Variants in DCC observed in about 807,000 individuals in gnomAD.
DCC encodes netrin receptor DCC.
A neutral mutation model predicts 172.5 loss-of-function variants in DCC; 58 were observed. That is an observed-to-expected ratio of 0.34 (90% CI 0.27 to 0.42). The LOEUF (loss-of-function observed/expected upper bound fraction) is 0.42, where lower values mean the gene tolerates loss of function less well. Among genes scored for constraint, DCC ranks in the 10% least tolerant of loss-of-function variants. The pLI is 1.00. For synonymous variants in DCC, 709 were observed against 644.5 expected (o/e 1.10, Z -1.52); for missense variants, 1,740 against 1,791.0 (o/e 0.97, Z 0.51).
At position 53,530,578 on chromosome 18, in the gene DCC, T is replaced by C; in HGVS notation, c.4269T>C (p.Asp1423=). Residue 1423 remains aspartate, a synonymous_variant, in exon 29 of 29, where the codon GAT becomes GAC. Transcript: ENST00000442544. Reference sequence around the variant, plus strand: ...TCTCTTTATAGGTGTATGAACAGGATGATCTGAGTGAACAAATGGCAAGTT... The same window carrying C: ...TCTCTTTATAGGTGTATGAACAGGACGATCTGAGTGAACAAATGGCAAGTT... ...TEDSANVYEQ[D]DLSEQMASLE... is the part of the protein sequence containing the mutation. 1 of 1,567,944 alleles carries C rather than the reference T, an allele frequency of 6.4e-7. No individual in the cohort carries two copies. The highest frequency in any genetic ancestry group is 8.8e-7 in the Non-Finnish European group (1 of 1,137,928).
intron 2 of DCC, among the ~76,000 whole-genome samples, chr18:52,889,624 G>A (rs1326968158): frequency 6.6e-6 from 1 of 152,122 alleles, no homozygotes; most frequent in African/African-American, 2.4e-5. Flanking sequence ...ACAAAATATA[G>A]AGTGTACTGT....
intron 1 of DCC, among the ~76,000 whole-genome samples, chr18:52,543,733 C>T (rs757319372): frequency 5.9e-5 from 9 of 152,214 alleles, no homozygotes; most frequent in Admixed American, 1.3e-4. Context: ...CAAAAAGGTG[C>T]CCCTGACCCT....
Position 52,860,697 on chromosome 18 carries a change from T to C in DCC, c.413-45347T>C, listed in dbSNP as rs192564403. On this transcript the variant is annotated intron_variant, in intron 2 of 28. Coordinates refer to ENST00000442544, the MANE Select transcript of DCC (RefSeq NM_005215.4). The stretch of plus-strand genomic sequence containing the variant: ...AAGAATAGTGATTGGCCATATAGGT[T>C]CTTTAAAAGTTGGCTTTGCTAGCCG... Among the ~76,000 whole-genome samples the C allele has an allele frequency of 3.5e-3, 537 of 152,332 alleles. 7 individuals carry two copies. Among genetic ancestry groups the C allele is most frequent in the African/African-American group, 0.012 (507 of 41,588 alleles).
intron 17 of DCC, among the ~76,000 whole-genome samples, chr18:53,394,428 T>C (rs935383869): frequency 3.3e-5 from 5 of 152,212 alleles, no homozygotes; most frequent in East Asian, 1.9e-4. Context: ...AAATCTATAA[T>C]ACAGATGCTC....
chr18:53,300,927 G>C (rs2057127099), intron 12 of DCC, among the ~76,000 whole-genome samples: 1 of 67,506 alleles, frequency 1.5e-5, no homozygotes, highest in Admixed American at 1.7e-4. Context: ...GGGAGGTCCT[G>C]GACAAATCCA....
chr18:53,329,380 A>G (rs2057505912), intron 14 of DCC, among the ~76,000 whole-genome samples: 1 of 152,040 alleles, frequency 6.6e-6, no homozygotes, highest in African/African-American at 2.4e-5. Context: ...TGAATATTAC[A>G]AGACACTGCA....
chr18:52,456,049 C>A (rs1352711110), intron 1 of DCC, among the ~76,000 whole-genome samples: 1 of 152,168 alleles, frequency 6.6e-6, no homozygotes, highest in African/African-American at 2.4e-5. Flanking sequence ...GCCAGAATAT[C>A]CTGTAGCATG....
chr18:53,401,614 G>A (rs1309871954), intron 18 of DCC, among the ~76,000 whole-genome samples: 1 of 152,146 alleles, frequency 6.6e-6, no homozygotes, highest in East Asian at 1.9e-4. Flanking sequence ...CAGAATTAGA[G>A]ACTGATTTCT....
chr18:52,652,695 A>T (rs2035159976), intron 1 of DCC, among the ~76,000 whole-genome samples: 1 of 134,518 alleles, frequency 7.4e-6, no homozygotes, highest in Non-Finnish European at 1.5e-5. Flanking sequence ...AGTACATTAC[A>T]ACAGGACTGC....
At chr18:53,008,747 G>GA (rs35786690) in intron 5 of DCC, among the ~76,000 whole-genome samples, 1 of 151,570 alleles carries the variant, frequency 6.6e-6, no homozygotes, top group East Asian at 1.9e-4. Flanking sequence ...TATACATTTA[G>GA]AAAAAAATTC....
chr18:52,578,546 T>G (rs1318900726), intron 1 of DCC, among the ~76,000 whole-genome samples: 2 of 152,246 alleles, frequency 1.3e-5, no homozygotes, highest in Non-Finnish European at 2.9e-5. Flanking sequence ...GTATCCATGA[T>G]GTCCAGCATT....
At chr18:52,808,012 G>A (rs903109838) in intron 2 of DCC, among the ~76,000 whole-genome samples, 16 of 152,156 alleles carry the variant, frequency 1.1e-4, no homozygotes, top group African/African-American at 3.6e-4. Flanking sequence ...TGGCTCTGGG[G>A]TTGCTGTGAC....
At chr18:52,436,038 A>T (rs1043335621) in intron 1 of DCC, among the ~76,000 whole-genome samples, 2 of 152,334 alleles carry the variant, frequency 1.3e-5, no homozygotes, top group African/African-American at 4.8e-5. Flanking sequence ...AAACTCTGGG[A>T]TGCCTATCAC....
intron 7 of DCC, among the ~76,000 whole-genome samples, chr18:53,112,675 C>T (rs2043349695): frequency 6.6e-6 from 1 of 151,460 alleles, no homozygotes; most frequent in Non-Finnish European, 1.5e-5. Context: ...AAAGGGCCTC[C>T]TTAAAAGGAT....
chr18:52,399,054 T>C (rs1189527956), intron 1 of DCC, among the ~76,000 whole-genome samples: 1 of 151,998 alleles, frequency 6.6e-6, no homozygotes, highest in African/African-American at 2.4e-5. Flanking sequence ...CTAATTTGGA[T>C]ATATTTAAAT....
In DCC at chr18:53,520,823, G is replaced by A. The variant is rs564470209; in HGVS notation, c.4112-5794G>A. 3.9e-5 allele frequency among the ~76,000 whole-genome samples: 6 copies of A among 152,146 alleles called. No individual in the cohort carries two copies. The South Asian group carries it at 1.2e-3, about 32-fold the overall frequency. The stretch of plus-strand genomic sequence containing the variant: ...TTTTGAGACCACGGTTGCCTAATTA[G>A]TTGTTAATAAATCTCTCCTGGGAAA... On this transcript the variant is annotated intron_variant, in intron 27 of 28. Coordinates refer to ENST00000442544, the MANE Select transcript of DCC (RefSeq NM_005215.4).
intron 1 of DCC, among the ~76,000 whole-genome samples, chr18:52,355,397 A>T (rs1422615392): frequency 1.3e-5 from 2 of 152,190 alleles, no homozygotes; most frequent in East Asian, 3.9e-4. Flanking sequence ...CATATTATGT[A>T]CACGTGGGTG....
At chr18:53,519,555 T>C (rs1188094764) in intron 27 of DCC, among the ~76,000 whole-genome samples, 1 of 152,006 alleles carries the variant, frequency 6.6e-6, no homozygotes, top group Non-Finnish European at 1.5e-5. Flanking sequence ...TAACCACATT[T>C]TGAAAATCAC....
rs369670346 is a variant in DCC at position 52,975,410 on chromosome 18, T to C, written c.985+50040T>C. Reference sequence around the variant, plus strand: ...GGGGTACTCGTGCGGGTTTGTTGCATAGGTAAACTTGTGTCATGGGGGGTT... The same window carrying C: ...GGGGTACTCGTGCGGGTTTGTTGCACAGGTAAACTTGTGTCATGGGGGGTT... On this transcript the variant is annotated intron_variant, in intron 5 of 28. Transcript: ENST00000442544. Among the ~76,000 whole-genome samples, 3 of 152,190 alleles carry C rather than the reference T, an allele frequency of 2.0e-5. No individual in the cohort carries two copies. The East Asian group carries it at 5.8e-4, about 29-fold the overall frequency.
Sources: gnomAD v4.1 joint callset for allele counts (sites outside exome capture counted in the v4.1 genomes callset) on GRCh38, gnomAD v4.1.1 for gene constraint, MANE v1.5 for transcripts, NCBI Gene and HGNC (gene_info 2026-07-23, HGNC 2026-07-21) for gene names.